Variants in CCSER1 observed in about 807,000 individuals in gnomAD.
The protein encoded by CCSER1 is serine-rich coiled-coil domain-containing protein 1.
In CCSER1, 41 loss-of-function variants were observed where a neutral mutation model predicts 82.0. The observed-to-expected ratio is 0.50, with a 90% CI of 0.39 to 0.65. CCSER1 has a LOEUF of 0.65. Among genes scored for constraint, CCSER1 ranks in the 30% least tolerant of loss-of-function variants. CCSER1 has a pLI of 0.00. For missense variants in CCSER1, 1,119 were observed against 1,064.2 expected (o/e 1.05, Z -0.72); for synonymous variants, 414 against 383.9 (o/e 1.08, Z -0.92).
chr4:91,331,718 T>A (rs1746969938), intron 10 of CCSER1, among the ~76,000 whole-genome samples: 1 of 152,128 alleles, frequency 6.6e-6, no homozygotes, highest in African/African-American at 2.4e-5. Flanking sequence ...AGATGTCAAT[T>A]GATAAATACA....
Position 90,282,463 on chromosome 4 carries a change from ATTG to A in CCSER1, c.-41-25778_-41-25776del, listed in dbSNP as rs1432883567. Among the ~76,000 whole-genome samples, 3 of 150,946 alleles carry A rather than the reference ATTG, an allele frequency of 2.0e-5. No homozygotes were observed. The Admixed American group carries it at 2.0e-4, about 10-fold the overall frequency. On this transcript the variant is annotated intron_variant, in intron 1 of 10. Coordinates refer to ENST00000509176, the MANE Select transcript of CCSER1 (RefSeq NM_001145065.2). ...ATATTTATATATGTATACATATATT[ATTG>A]TTATTGTTGCTGTTAATTTCTATAA...
intron 7 of CCSER1, among the ~76,000 whole-genome samples, chr4:90,760,280 C>A (rs1158549970): frequency 6.6e-6 from 1 of 151,696 alleles, no homozygotes; most frequent in Admixed American, 6.6e-5. Context: ...TAATTTTATT[C>A]TTTTTTAATG....
intron 8 of CCSER1, among the ~76,000 whole-genome samples, chr4:90,905,363 C>CT (rs1561337108): frequency 6.8e-6 from 1 of 146,924 alleles, no homozygotes; most frequent in African/African-American, 2.6e-5. Flanking sequence ...TCACACCACA[C>CT]ACACACACAC....
chr4:90,827,399 T>C (rs957733657), intron 8 of CCSER1, among the ~76,000 whole-genome samples: 5 of 152,174 alleles, frequency 3.3e-5, no homozygotes, highest in African/African-American at 1.2e-4. Context: ...AGACATCCTG[T>C]TCTTACAAAT....
chr4:90,608,750 C>T (rs1303174394), intron 5 of CCSER1, among the ~76,000 whole-genome samples: 1 of 151,614 alleles, frequency 6.6e-6, no homozygotes, highest in Non-Finnish European at 1.5e-5. Context: ...ATTCTCACTT[C>T]TTATTTTGCC....
At chr4:91,460,936 C>T (rs550172923) in intron 10 of CCSER1, among the ~76,000 whole-genome samples, 1 of 152,096 alleles carries the variant, frequency 6.6e-6, no homozygotes, top group Non-Finnish European at 1.5e-5. Flanking sequence ...AATGAAAATC[C>T]CCTCAAAGGA....
Position 90,717,137 on chromosome 4 carries a change from C to T in CCSER1, c.1933-6777C>T, listed in dbSNP as rs117312043. 1.9e-3 allele frequency among the ~76,000 whole-genome samples: 296 copies of T among 152,212 alleles called. No homozygotes were observed. In the East Asian group the frequency reaches 0.023, roughly 12 times the overall value. The stretch of plus-strand genomic sequence containing the variant: ...AGATTTGAGCTTTGTTTAAATAATG[C>T]GGCTTCTGTGCCATTTTGTGACTGG... On this transcript the variant is annotated intron_variant, in intron 6 of 10. Transcript: ENST00000509176.
intron 5 of CCSER1, among the ~76,000 whole-genome samples, chr4:90,579,976 T>C (rs1461418875): frequency 6.6e-6 from 1 of 151,992 alleles, no homozygotes; most frequent in Non-Finnish European, 1.5e-5. Context: ...TACTTAATAG[T>C]AAGTGAAAAT....
chr4:91,440,133 A>C (rs1162209144), intron 10 of CCSER1, among the ~76,000 whole-genome samples: 2 of 152,062 alleles, frequency 1.3e-5, no homozygotes, highest in Admixed American at 6.6e-5. Flanking sequence ...CATCTACAGA[A>C]CTCTCCACCC....
intron 1 of CCSER1, among the ~76,000 whole-genome samples, chr4:90,242,387 G>A (rs1720506247): frequency 6.6e-6 from 1 of 152,112 alleles, no homozygotes; most frequent in Non-Finnish European, 1.5e-5. Flanking sequence ...CAATGTTAAG[G>A]AACTTAAAAT....
chr4:90,215,600 A>G (rs1460448485), intron 1 of CCSER1, among the ~76,000 whole-genome samples: 1 of 152,068 alleles, frequency 6.6e-6, no homozygotes, highest in Non-Finnish European at 1.5e-5. Context: ...GCAAGTTCAC[A>G]CTCCTCTGTG....
chr4:91,161,467 G>A (rs1459800711), intron 10 of CCSER1, among the ~76,000 whole-genome samples: 1 of 152,084 alleles, frequency 6.6e-6, no homozygotes, highest in Admixed American at 6.5e-5. Context: ...GGTGGGGATG[G>A]CATTGAATCT....
At chr4:90,492,013 C>A (rs190452274) in intron 5 of CCSER1, among the ~76,000 whole-genome samples, 86 of 152,112 alleles carry the variant, frequency 5.7e-4, no homozygotes, top group African/African-American at 1.8e-3. Context: ...CTTTGGTATC[C>A]GGATGATGCT....
intron 3 of CCSER1, among the ~76,000 whole-genome samples, chr4:90,314,284 CTATTA>C (rs755707458): frequency 7.9e-5 from 12 of 152,020 alleles, no homozygotes; most frequent in African/African-American, 2.2e-4. Context: ...TGTGCATTGG[CTATTA>C]TATTATTATT....
intron 6 of CCSER1, among the ~76,000 whole-genome samples, chr4:90,717,726 TTA>T (rs10536500): frequency 0.44 from 64,363 of 147,202 alleles, 14,270 homozygotes; most frequent in African/African-American, 0.55. Flanking sequence ...GTATGTGTGT[TTA>T]TATATATATA....
chr4:90,255,504 G>A, intron 1 of CCSER1, among the ~76,000 whole-genome samples: 2 of 152,072 alleles, frequency 1.3e-5, no homozygotes, highest in South Asian at 4.2e-4. Context: ...TTAATCATAA[G>A]GATAGTAATT....
intron 9 of CCSER1, among the ~76,000 whole-genome samples, chr4:90,936,779 T>C (rs749478964): frequency 6.6e-6 from 1 of 152,198 alleles, no homozygotes; most frequent in Non-Finnish European, 1.5e-5. Context: ...CTAGTATTTG[T>C]GTAATAAATA....
chr4:90,269,688 A>C (rs934600715), intron 1 of CCSER1, among the ~76,000 whole-genome samples: 3 of 149,936 alleles, frequency 2.0e-5, no homozygotes, highest in Non-Finnish European at 4.4e-5. Context: ...ATATTAGAGC[A>C]GAAATAAATG....
At chr4:90,228,013 G>A (rs1446434422) in intron 1 of CCSER1, among the ~76,000 whole-genome samples, 8 of 152,234 alleles carry the variant, frequency 5.3e-5, no homozygotes, top group Admixed American at 3.9e-4. Context: ...AGCAGTCTGA[G>A]ATCAAACTGC....
Sources: gnomAD v4.1 joint callset for allele counts (sites outside exome capture counted in the v4.1 genomes callset) on GRCh38, gnomAD v4.1.1 for gene constraint, MANE v1.5 for transcripts, NCBI Gene and HGNC (gene_info 2026-07-23, HGNC 2026-07-21) for gene names.